Variants in CHL1 observed in about 807,000 individuals in gnomAD.
CHL1 encodes neural cell adhesion molecule L1-like protein.
CHL1 carries 96 observed loss-of-function variants against 141.9 expected under a neutral mutation model. The ratio of observed to expected loss-of-function variants is 0.68; its 90% CI spans 0.57 to 0.80. The LOEUF (loss-of-function observed/expected upper bound fraction) is 0.80. Among genes scored for constraint, CHL1 ranks in the 30% least tolerant of loss-of-function variants. The pLI is 0.00. For missense variants in CHL1, 1,820 were observed against 1,457.2 expected (o/e 1.25, Z -4.05); for synonymous variants, 613 against 502.2 (o/e 1.22, Z -2.95).
chr3:292,124 G>A (rs892617656), intron 2 of CHL1, among the ~76,000 whole-genome samples: 1 of 152,190 alleles, frequency 6.6e-6, no homozygotes, highest in African/African-American at 2.4e-5. Flanking sequence ...AGTCATAAAA[G>A]TGTTCCTCAC....
At chr3:219,322 T>C (rs1029787778) in intron 1 of CHL1, among the ~76,000 whole-genome samples, 11 of 152,130 alleles carry the variant, frequency 7.2e-5, no homozygotes, top group African/African-American at 2.4e-4. Context: ...CCCATTACTA[T>C]ATATATTCCC....
At chr3:252,359 C>CAAAT (rs1368507489) in intron 2 of CHL1, among the ~76,000 whole-genome samples, 16 of 26,766 alleles carry the variant, frequency 6.0e-4, no homozygotes, top group Non-Finnish European at 1.0e-3. Flanking sequence ...AGAAAGCATC[C>CAAAT]AGATATATAT....
chr3:341,939 G>C lies in CHL1; in HGVS notation c.536G>C (p.Arg179Thr). ...TTAGAACACATCGAACAAGATGAAAGAGTATACATGAGCCAAAAGGGAGAT... is the reference window on the plus strand; with the variant it reads ...TTAGAACACATCGAACAAGATGAAACAGTATACATGAGCCAAAAGGGAGAT... ...IELEHIEQDE[R>T]VYMSQKGDLY... is the part of the protein sequence containing the mutation. The change falls in exon 7 of 28, where the codon AGA becomes ACA. Residue 179 changes from arginine (R) to threonine (T), a missense_variant. Coordinates refer to ENST00000256509, the MANE Select transcript of CHL1 (RefSeq NM_006614.4). 1.2e-6 allele frequency: 2 copies of C among 1,611,050 alleles called. No homozygotes were observed. Among genetic ancestry groups the C allele is most frequent in the Middle Eastern group, 1.7e-4 (1 of 6,052 alleles).
At chr3:200,203 T>C (rs1376445131) in intron 1 of CHL1, among the ~76,000 whole-genome samples, 4 of 152,228 alleles carry the variant, frequency 2.6e-5, no homozygotes, top group African/African-American at 9.6e-5. Flanking sequence ...TAATGTATTT[T>C]AGAAACAATA....
chr3:225,699 C>T (rs1701257700), intron 1 of CHL1, among the ~76,000 whole-genome samples: 2 of 152,072 alleles, frequency 1.3e-5, no homozygotes, highest in Non-Finnish European at 2.9e-5. Context: ...TATGTAAAAT[C>T]AAGCGAGGAA....
chr3:344,561 A>T (rs540295369), intron 8 of CHL1, 28 bp from the exon 9 acceptor site: 2 of 1,578,968 alleles, frequency 1.3e-6, no homozygotes, highest in East Asian at 4.5e-5. Flanking sequence ...ATTTGAAAAA[A>T]TTCTGACTTT....
chr3:337,240 G>T lies in CHL1; in HGVS notation c.386-3554G>T, dbSNP rs1182776045. 2.0e-5 allele frequency among the ~76,000 whole-genome samples: 3 copies of T among 148,016 alleles called. No homozygotes were observed. The South Asian group carries it at 6.4e-4, about 32-fold the overall frequency. ...GGGTCTTGCTCTGTCGCCCAGGCTG[G>T]AGGGCAGTGGCACAATCTCTGCTCA... On this transcript the variant is annotated intron_variant, in intron 5 of 27. Coordinates refer to ENST00000256509, the MANE Select transcript of CHL1 (RefSeq NM_006614.4).
chr3:382,330 A>G (rs1193816736), intron 17 of CHL1, 50 bp downstream of exon 17: 16 of 1,536,682 alleles, frequency 1.0e-5, no homozygotes, highest in Admixed American at 1.7e-5. Context: ...AGTCAAAATT[A>G]ATAGCGAAGT....
chr3:358,901 T>A (rs1208285141), intron 11 of CHL1, among the ~76,000 whole-genome samples: 6 of 150,352 alleles, frequency 4.0e-5, no homozygotes, highest in African/African-American at 1.5e-4. Flanking sequence ...ATTTTTGCAT[T>A]TGTGCCCTTC....
intron 2 of CHL1, among the ~76,000 whole-genome samples, chr3:307,341 T>G (rs1381097976): frequency 6.6e-6 from 1 of 152,188 alleles, no homozygotes; most frequent in Non-Finnish European, 1.5e-5. Flanking sequence ...AACGTACACT[T>G]CACAGAATTA....
At chr3:233,334 C>G (rs1174558969) in intron 1 of CHL1, among the ~76,000 whole-genome samples, 1 of 152,120 alleles carries the variant, frequency 6.6e-6, no homozygotes, top group East Asian at 1.9e-4. Context: ...TTTTAGGTTT[C>G]TGAGTTGCCT....
chr3:261,175 C>G (rs1166744576), intron 2 of CHL1, among the ~76,000 whole-genome samples: 2 of 152,128 alleles, frequency 1.3e-5, no homozygotes, highest in Non-Finnish European at 2.9e-5. Flanking sequence ...CAAGTGTAAT[C>G]AAAGTTACAT....
chr3:367,193 G>C (rs185059056), intron 15 of CHL1, among the ~76,000 whole-genome samples: 1 of 152,184 alleles, frequency 6.6e-6, no homozygotes, highest in Non-Finnish European at 1.5e-5. Flanking sequence ...AGTCAGCTTC[G>C]CGTCCTTTTG....
intron 1 of CHL1, chr3:197,573 C>A (rs1000715305): frequency 3.0e-6 from 1 of 338,956 alleles, no homozygotes; most frequent in Non-Finnish European, 5.9e-6. Flanking sequence ...TCAGACCCCC[C>A]CAGTCCACTG....
chr3:324,364 T>G (rs544706027), intron 3 of CHL1, among the ~76,000 whole-genome samples: 1 of 152,206 alleles, frequency 6.6e-6, no homozygotes, highest in African/African-American at 2.4e-5. Flanking sequence ...TTTCATTTCC[T>G]TGTGAATCAA....
chr3:384,687 A>G (rs1477517053), intron 19 of CHL1: 7 of 152,250 alleles, frequency 4.6e-5, no homozygotes, highest in Non-Finnish European at 7.3e-5. Flanking sequence ...AAAGGAAATT[A>G]TCATTCAACC....
At chr3:267,526 G>C (rs1009373194) in intron 2 of CHL1, among the ~76,000 whole-genome samples, 5 of 152,020 alleles carry the variant, frequency 3.3e-5, no homozygotes, top group Non-Finnish European at 1.5e-5. Context: ...GAGGATTTTT[G>C]ATTTTATGTT....
chr3:371,990 G>A (rs1705700099), intron 15 of CHL1, among the ~76,000 whole-genome samples: 1 of 152,098 alleles, frequency 6.6e-6, no homozygotes, highest in Non-Finnish European at 1.5e-5. Flanking sequence ...TAGTCTGATG[G>A]GTTTCCCTTT....
intron 2 of CHL1, among the ~76,000 whole-genome samples, chr3:315,580 G>T (rs1202604792): frequency 6.6e-6 from 1 of 152,120 alleles, no homozygotes; most frequent in African/African-American, 2.4e-5. Context: ...TATGTTAGAG[G>T]CTTCTGTTTT....
Sources: allele counts gnomAD v4.1 joint callset (sites outside exome capture counted in the v4.1 genomes callset), GRCh38; gene constraint gnomAD v4.1.1; transcripts MANE v1.5; gene names NCBI Gene and HGNC (gene_info 2026-07-23, HGNC 2026-07-21).